SPIDR: variants seen among roughly 807,000 people sequenced by gnomAD.
SPIDR encodes scaffold protein involved in DNA repair, also known as DNA repair-scaffolding protein.
In SPIDR, 93 loss-of-function variants were observed where a neutral mutation model predicts 104.6. The ratio of observed to expected loss-of-function variants is 0.89; its 90% CI spans 0.75 to 1.06. The LOEUF (loss-of-function observed/expected upper bound fraction) is 1.06. Ranked by LOEUF, SPIDR falls within the 50% of genes least tolerant of loss-of-function variation. SPIDR has a pLI of 0.00. For synonymous variants in SPIDR, 431 were observed against 416.9 expected (o/e 1.03, Z -0.41); for missense variants, 1,154 against 1,111.2 (o/e 1.04, Z -0.55).
chr8:47,442,855 C>G (rs2154344577), intron 8 of SPIDR, among the ~76,000 whole-genome samples: 1 of 152,302 alleles, frequency 6.6e-6, no homozygotes, highest in African/African-American at 2.4e-5. Flanking sequence ...CCACATTGGC[C>G]TCCCAAAGTT....
chr8:47,644,880 G>A (rs956851712), intron 10 of SPIDR, among the ~76,000 whole-genome samples: 3 of 152,202 alleles, frequency 2.0e-5, no homozygotes, highest in East Asian at 1.9e-4. Context: ...AGTCAGCCAC[G>A]AAAAGCTCCA....
chr8:47,472,532 AAC>A (rs1482780035), intron 8 of SPIDR, among the ~76,000 whole-genome samples: 1 of 152,236 alleles, frequency 6.6e-6, no homozygotes, highest in Admixed American at 6.5e-5. Context: ...GGTCAAGTAA[AAC>A]ACTGCTGATA....
At chr8:47,395,063 G>A (rs1256122257) in intron 5 of SPIDR, among the ~76,000 whole-genome samples, 2 of 152,110 alleles carry the variant, frequency 1.3e-5, no homozygotes, top group East Asian at 1.9e-4. Context: ...CTTAAAAAGA[G>A]TTTGGCTGGG....
intron 6 of SPIDR, 134 bp downstream of exon 6, chr8:47,396,760 C>A: frequency 1.0e-6 from 1 of 955,070 alleles, no homozygotes. Context: ...GAATGTTCAT[C>A]GAAGTTGAGG....
intron 8 of SPIDR, among the ~76,000 whole-genome samples, chr8:47,469,134 A>G (rs1554719337): frequency 6.6e-6 from 1 of 152,262 alleles, no homozygotes; most frequent in Non-Finnish European, 1.5e-5. Context: ...AATCAGAACC[A>G]CAATGAGATA....
intron 5 of SPIDR, among the ~76,000 whole-genome samples, chr8:47,359,337 T>C (rs2055259027): frequency 6.6e-6 from 1 of 152,156 alleles, no homozygotes. Flanking sequence ...GATGAAAGTT[T>C]CAAACTTCGA....
chr8:47,310,333 C>CAAAAAAAA (rs1166703089), intron 5 of SPIDR, among the ~76,000 whole-genome samples: 3 of 54,876 alleles, frequency 5.5e-5, no homozygotes, highest in Non-Finnish European at 1.2e-4. Flanking sequence ...GACTCCATCT[C>CAAAAAAAA]AAAAAAAAAA....
intron 7 of SPIDR, among the ~76,000 whole-genome samples, chr8:47,411,427 T>G (rs1319316243): frequency 6.6e-6 from 1 of 152,236 alleles, no homozygotes; most frequent in African/African-American, 2.4e-5. Context: ...TGAGCATTTT[T>G]TCATGTGTCT....
chr8:47,331,965 C>CTT (rs1183447584), intron 5 of SPIDR, among the ~76,000 whole-genome samples: 646 of 32,644 alleles, frequency 0.02, 10 homozygotes, highest in Admixed American at 0.032. Context: ...TTTTTTTAAA[C>CTT]TTTTTTTTTT....
intron 7 of SPIDR, among the ~76,000 whole-genome samples, chr8:47,422,591 C>T (rs1346125699): frequency 4.6e-5 from 7 of 152,242 alleles, no homozygotes; most frequent in Non-Finnish European, 8.8e-5. Context: ...CTTCGGCTCA[C>T]GCTCTTTGTG....
chr8:47,425,830 G>A (rs1328416750), intron 7 of SPIDR, among the ~76,000 whole-genome samples: 2 of 152,058 alleles, frequency 1.3e-5, no homozygotes, highest in Non-Finnish European at 2.9e-5. Flanking sequence ...CCTTTGTCAT[G>A]TTAATATTTG....
intron 5 of SPIDR, among the ~76,000 whole-genome samples, chr8:47,335,256 T>C (rs555052100): frequency 9.8e-5 from 15 of 152,356 alleles, no homozygotes; most frequent in African/African-American, 3.6e-4. Flanking sequence ...TATTATTTTC[T>C]TTCTTCTGTA....
intron 14 of SPIDR, among the ~76,000 whole-genome samples, chr8:47,707,678 A>T (rs780275611): frequency 2.0e-5 from 3 of 152,210 alleles, no homozygotes; most frequent in Non-Finnish European, 4.4e-5. Flanking sequence ...TTGCCTAGTC[A>T]TAGGTCCCAA....
In SPIDR at chr8:47,718,151, G is replaced by A. The variant is rs2082839942; in HGVS notation, c.2341+4510G>A. Among the ~76,000 whole-genome samples the A allele has an allele frequency of 2.6e-5, 4 of 152,214 alleles. No individual in the cohort carries two copies. In the South Asian group the frequency reaches 8.3e-4, roughly 32 times the overall value. ...GATCTGTGCTTTTATTCCAAGGTTT[G>A]AATGGACAGTAACAGTGGAGGCATG... On this transcript the variant is annotated intron_variant, in intron 16 of 19. Transcript: ENST00000297423.
intron 6 of SPIDR, among the ~76,000 whole-genome samples, chr8:47,403,325 A>G (rs1218861565): frequency 6.6e-6 from 1 of 152,204 alleles, no homozygotes; most frequent in Non-Finnish European, 1.5e-5. Context: ...CACCACTCCT[A>G]TTCAACATAG....
chr8:47,530,188 C>G (rs2085717825), intron 8 of SPIDR, among the ~76,000 whole-genome samples: 1 of 152,166 alleles, frequency 6.6e-6, no homozygotes, highest in Non-Finnish European at 1.5e-5. Flanking sequence ...CTAAACATAT[C>G]TAAATGCAGT....
intron 8 of SPIDR, among the ~76,000 whole-genome samples, chr8:47,503,120 T>G (rs969226250): frequency 2.4e-4 from 36 of 152,176 alleles, no homozygotes; most frequent in African/African-American, 5.8e-4. Flanking sequence ...TCTGTTGATT[T>G]TGGGTGGAGA....
At chr8:47,271,508 C>G (rs4487771) in intron 1 of SPIDR, among the ~76,000 whole-genome samples, 2 of 151,850 alleles carry the variant, frequency 1.3e-5, no homozygotes, top group African/African-American at 2.4e-5. Context: ...TCCTCTGGTG[C>G]ATTCTTCATT....
intron 10 of SPIDR, among the ~76,000 whole-genome samples, chr8:47,617,024 C>A (rs1047470209): frequency 6.6e-6 from 1 of 152,020 alleles, no homozygotes; most frequent in African/African-American, 2.4e-5. Context: ...TAGAGGATCC[C>A]TTATTTTGTG....
Sources: gnomAD v4.1 joint callset for allele counts (sites outside exome capture counted in the v4.1 genomes callset) on GRCh38, gnomAD v4.1.1 for gene constraint, MANE v1.5 for transcripts, NCBI Gene and HGNC (gene_info 2026-07-23, HGNC 2026-07-21) for gene names.